Variants in NAGLU observed in about 807,000 individuals in gnomAD.
The protein encoded by NAGLU is alpha-N-acetylglucosaminidase.
A neutral mutation model predicts 43.4 loss-of-function variants in NAGLU; 34 were observed. The observed-to-expected ratio is 0.78, with a 90% CI of 0.60 to 1.04. The LOEUF (loss-of-function observed/expected upper bound fraction) is 1.04. NAGLU is among the 50% of genes least tolerant of loss of function. The probability of loss-of-function intolerance (pLI) is 0.00; values close to 1 mark genes in which losing one functional copy is unlikely to be tolerated. For missense variants in NAGLU, 910 were observed against 993.7 expected (o/e 0.92, Z 1.13); for synonymous variants, 425 against 437.6 (o/e 0.97, Z 0.36).
chr17:42,542,050 G>A (rs1453605490), intron 5 of NAGLU, among the ~76,000 whole-genome samples: 10 of 150,494 alleles, frequency 6.6e-5, no homozygotes, highest in African/African-American at 2.4e-5. Context: ...ATAGGCACCC[G>A]CCACCACGCC....
intron 4 of NAGLU, among the ~76,000 whole-genome samples, chr17:42,539,593 C>A (rs1567891706): frequency 6.6e-6 from 1 of 152,278 alleles, no homozygotes; most frequent in African/African-American, 2.4e-5. Flanking sequence ...AGGAAACTCA[C>A]TCATTCATTC....
chr17:42,536,856 C>G, intron 1 of NAGLU: 1 of 1,062,320 alleles, frequency 9.4e-7, no homozygotes, highest in Non-Finnish European at 1.3e-6. Context: ...AAGAAGACGC[C>G]TACCGTGCAG....
rs1341421909 is a variant in NAGLU, at chr17:42,544,033, G to A, written c.2027G>A (p.Arg676Gln). The A allele has an allele frequency of 8.1e-6, 13 of 1,612,120 alleles. No individual in the cohort carries two copies. Among genetic ancestry groups the A allele is most frequent in the Admixed American group, 3.4e-5 (2 of 59,660 alleles). ...GCCAACTACTACACCCCTCGCTGGC[G>A]GCTTTTCCTGGAGGCGCTGGTTGAC... ...LVANYYTPRW[R>Q]LFLEALVDSV... The change falls in exon 6 of 6, where the codon CGG becomes CAG. Residue 676 changes from arginine to glutamine, a missense_variant. Arg to Gln is a conservative substitution (Grantham distance 43). Transcript: ENST00000225927.
At chr17:42,540,116 A>C (rs1599257484) in intron 4 of NAGLU, among the ~76,000 whole-genome samples, 1 of 150,104 alleles carries the variant, frequency 6.7e-6, no homozygotes, top group East Asian at 1.9e-4. Flanking sequence ...TCCGTCTCAA[A>C]AAAAAAAAAA....
At position 42,536,341 on chromosome 17, in the gene NAGLU, C is replaced by G. The variant is rs2092905938; in HGVS notation, c.69C>G (p.Gly23=). The G allele has an allele frequency of 8.3e-7, 1 of 1,208,580 alleles. No homozygotes were observed. The highest frequency in any genetic ancestry group is 4.1e-5 in the South Asian group (1 of 24,168). 74.9% of individuals were successfully genotyped at this position (1,208,580 alleles called of 1,614,324 possible). Reference sequence around the variant, plus strand: ...TGGCCGGGGCCGGGGGCGCGGCAGGCGACGAGGCCCGGGAGGCGGCGGCCG... The same window carrying G: ...TGGCCGGGGCCGGGGGCGCGGCAGGGGACGAGGCCCGGGAGGCGGCGGCCG... ...LLLAGAGGAA[G]DEAREAAAVR... The change falls in exon 1 of 6, where the codon GGC becomes GGG. Residue 23 remains glycine (G), a synonymous_variant. Transcript: ENST00000225927.
At position 42,544,188 on chromosome 17, in the gene NAGLU, A is replaced by C; in HGVS notation, c.2182A>C (p.Lys728Gln). ...QPRGDTVDLA[K>Q]KIFLKYYPRW... ...GCGAGGAGACACTGTGGACCTGGCC[A>C]AGAAGATCTTCCTCAAATATTACCC... Residue 728 changes from lysine (K) to glutamine (Q), a missense_variant, in exon 6 of 6, where the codon AAG becomes CAG. Physicochemically the swap from Lys to Gln is moderately conservative, Grantham distance 53. Coordinates refer to ENST00000225927, the MANE Select transcript of NAGLU (RefSeq NM_000263.4). 1 of 1,612,968 alleles carries C rather than the reference A, an allele frequency of 6.2e-7. No homozygotes were observed. The highest frequency in any genetic ancestry group is 8.5e-7 in the Non-Finnish European group (1 of 1,179,966).
chr17:42,536,325 C>T lies in NAGLU; in HGVS notation c.53C>T (p.Ala18Val). The change falls in exon 1 of 6, where the codon GCC becomes GTC. Residue 18 changes from alanine to valine, a missense_variant. Transcript: ENST00000225927. ...GTGGGGGTCCTTCTCCTGGCCGGGGCCGGGGGCGCGGCAGGCGACGAGGCC... is the reference window on the plus strand; with the variant it reads ...GTGGGGGTCCTTCTCCTGGCCGGGGTCGGGGGCGCGGCAGGCGACGAGGCC... ...AAVGVLLLAG[A>V]GGAAGDEARE... The T allele has an allele frequency of 1.6e-6, 2 of 1,217,030 alleles. No individual in the cohort carries two copies. Among genetic ancestry groups the T allele is most frequent in the Non-Finnish European group, 2.0e-6 (2 of 979,036 alleles). The allele number at this position is 1,217,030 out of a possible 1,614,324, so 75.4% of individuals were successfully genotyped here.
chr17:42,537,648 G>A, intron 2 of NAGLU, 103 bp downstream of exon 2: 1 of 1,485,322 alleles, frequency 6.7e-7, no homozygotes, highest in South Asian at 1.2e-5. Flanking sequence ...CTCTAGAAGT[G>A]CTTTCAGCGT....
At chr17:42,536,796 GC>G in intron 1 of NAGLU, 141 bp downstream of exon 1, 1 of 1,327,498 alleles carries the variant, frequency 7.5e-7, no homozygotes, top group Non-Finnish European at 9.6e-7. Context: ...GTGGCCTTGA[GC>G]CAGCCACTCT....
chr17:42,537,777 A>C (rs1265344239), intron 2 of NAGLU, among the ~76,000 whole-genome samples: 1 of 151,804 alleles, frequency 6.6e-6, no homozygotes, highest in Non-Finnish European at 1.5e-5. Context: ...GGAGATCGAG[A>C]CCATCCTGGC....
chr17:42,543,818 G>A lies in NAGLU; in HGVS notation c.1812G>A (p.Pro604=), dbSNP rs756855449. 5.6e-6 allele frequency: 9 copies of A among 1,603,724 alleles called. No individual in the cohort carries two copies. The highest frequency in any genetic ancestry group is 1.6e-4 in the Middle Eastern group (1 of 6,070). ...GCGTCCTGGCCTATGAGCTGCTGCC[G>A]GCACTGGACGAGGTGCTGGCTAGTG... is the stretch of plus-strand genomic sequence containing the variant. The part of the protein sequence containing the change: ...AGGVLAYELL[P]ALDEVLASDS... Residue 604 remains proline (P), a synonymous_variant, in exon 6 of 6, where the codon CCG becomes CCA. Coordinates refer to ENST00000225927, the MANE Select transcript of NAGLU (RefSeq NM_000263.4).
Position 42,537,443 on chromosome 17 carries a change from G to T in NAGLU, c.429G>T (p.Val143=). The T allele has an allele frequency of 6.2e-7, 1 of 1,614,264 alleles. No homozygotes were observed. Among genetic ancestry groups the T allele is most frequent in the Non-Finnish European group, 8.5e-7 (1 of 1,180,034 alleles). The change falls in exon 2 of 6, where the codon GTG becomes GTT. Residue 143 remains valine, a synonymous_variant. Transcript: ENST00000225927. ...QNVCTQSYSF[V]WWDWARWERE... ...TGTGCACGCAAAGCTACTCTTTCGT[G>T]TGGTGGGACTGGGCCCGCTGGGAGC...
rs527236037 is a variant in NAGLU at position 42,543,955 on chromosome 17, G to T, written c.1949G>T (p.Gly650Val). Residue 650 changes from glycine (G) to valine (V), a missense_variant, in exon 6 of 6, where the codon GGG becomes GTG. Gly to Val is a moderately radical substitution (Grantham distance 109, BLOSUM62 -3). Transcript: ENST00000225927. The stretch of plus-strand genomic sequence containing the variant: ...AGCCGCTACCAGCTGACCTTGTGGG[G>T]GCCAGAAGGCAACATCCTGGACTAT... ...QNSRYQLTLW[G>V]PEGNILDYAN... is the part of the protein sequence containing the mutation. 1.2e-6 allele frequency: 2 copies of T among 1,609,642 alleles called. No homozygotes were observed.
At position 42,536,490 on chromosome 17, in the gene NAGLU, CGCGCGTGCGGGTGCGCGGCTCCACGG is replaced by C. The variant is rs1201516783; in HGVS notation, c.222_247del (p.Val75GlyfsTer108). Reference sequence around the variant, plus strand: ...TACAGCCTGGGCGGCGGCGGCGCGGCGCGCGTGCGGGTGCGCGGCTCCACGGGCGTGGCGGCCGCCGCGGGGCTGCA... The same window carrying C: ...TACAGCCTGGGCGGCGGCGGCGCGGCGCGTGGCGGCCGCCGCGGGGCTGCA... On this transcript the variant is annotated frameshift_variant, in exon 1 of 6. Transcript: ENST00000225927. LOFTEE classifies it high-confidence loss of function. The C allele has an allele frequency of 8.2e-6, 10 of 1,222,908 alleles. No homozygotes were observed. The highest frequency in any genetic ancestry group is 1.0e-5 in the Non-Finnish European group (10 of 984,928). The allele number at this position is 1,222,908 out of a possible 1,614,324, so 75.8% of individuals were successfully genotyped here.
At chr17:42,540,393 T>A (rs1599257731) in intron 4 of NAGLU, among the ~76,000 whole-genome samples, 2 of 143,440 alleles carry the variant, frequency 1.4e-5, no homozygotes, top group South Asian at 2.2e-4. Context: ...GAACTGAAAG[T>A]ATAATTAAAA....
intron 1 of NAGLU, 170 bp from the exon 2 acceptor site, chr17:42,537,228 C>G: frequency 2.1e-6 from 2 of 973,974 alleles, no homozygotes; most frequent in Non-Finnish European, 3.1e-6. Flanking sequence ...GCCTCAGAAG[C>G]CCAGCCCCGG....
At chr17:42,541,897 G>A (rs1280433107) in intron 5 of NAGLU, among the ~76,000 whole-genome samples, 2 of 151,684 alleles carry the variant, frequency 1.3e-5, no homozygotes, top group African/African-American at 4.9e-5. Flanking sequence ...ACCTGAAGGA[G>A]AAGCTACATT....
chr17:42,542,299 A>G (rs1214574800), intron 5 of NAGLU, among the ~76,000 whole-genome samples: 4 of 152,060 alleles, frequency 2.6e-5, no homozygotes, highest in African/African-American at 7.2e-5. Flanking sequence ...CCTGACCTCA[A>G]ATGATTCGCC....
intron 5 of NAGLU, among the ~76,000 whole-genome samples, chr17:42,542,619 G>A (rs944124326): frequency 2.0e-5 from 3 of 152,188 alleles, no homozygotes; most frequent in Non-Finnish European, 4.4e-5. Flanking sequence ...TCTACCTCCC[G>A]AGTAGCCGGG....
Sources: allele counts gnomAD v4.1 joint callset (sites outside exome capture counted in the v4.1 genomes callset), GRCh38; gene constraint gnomAD v4.1.1; transcripts MANE v1.5; gene names NCBI Gene and HGNC (gene_info 2026-07-23, HGNC 2026-07-21).